The following SAMD12 variants were observed in gnomAD, a reference collection of about 807,000 sequenced individuals.
SAMD12 encodes the protein sterile alpha motif domain-containing protein 12.
SAMD12 carries 9 observed loss-of-function variants against 15.0 expected under a neutral mutation model. The observed-to-expected ratio is 0.60, with a 90% CI of 0.36 to 1.05. The LOEUF is 1.05. SAMD12 is among the 50% of genes least tolerant of loss of function. The pLI is 0.01. For missense variants in SAMD12, 230 were observed against 234.2 expected (o/e 0.98, Z 0.12); for synonymous variants, 86 against 90.1 (o/e 0.96, Z 0.25).
the SAMD12 span, among the ~76,000 whole-genome samples, chr8:118,158,347 C>T: frequency 6.6e-6 from 1 of 152,198 alleles, no homozygotes; most frequent in African/African-American, 2.4e-5. Flanking sequence ...AGTGGCCTGT[C>T]TGGAGCAGCT....
intron 3 of SAMD12, among the ~76,000 whole-genome samples, chr8:118,438,595 G>A (rs551691937): frequency 6.6e-6 from 1 of 152,142 alleles, no homozygotes; most frequent in Non-Finnish European, 1.5e-5. Context: ...ACCATCGACT[G>A]AGACCTATTC....
intron 2 of SAMD12, among the ~76,000 whole-genome samples, chr8:118,529,089 T>C (rs7831640): frequency 6.6e-6 from 1 of 152,130 alleles, no homozygotes; most frequent in Non-Finnish European, 1.5e-5. Context: ...AGACAACCAC[T>C]ACACAGTTCA....
At chr8:118,516,464 T>C (rs899352617) in intron 2 of SAMD12, among the ~76,000 whole-genome samples, 1 of 152,156 alleles carries the variant, frequency 6.6e-6, no homozygotes, top group African/African-American at 2.4e-5. Context: ...TCTGGGAATA[T>C]AGATTGCTAT....
chr8:118,601,228 G>A (rs1198902560), intron 1 of SAMD12, among the ~76,000 whole-genome samples: 1 of 152,060 alleles, frequency 6.6e-6, no homozygotes, highest in Non-Finnish European at 1.5e-5. Flanking sequence ...AATTTAAAAT[G>A]TAGGGAAATG....
At chr8:118,477,375 G>A (rs1049092325) in intron 2 of SAMD12, among the ~76,000 whole-genome samples, 8 of 151,992 alleles carry the variant, frequency 5.3e-5, no homozygotes, top group Non-Finnish European at 1.0e-4. Flanking sequence ...CTCTGCGGCC[G>A]GTTTGATGTT....
chr8:118,510,751 A>C (rs1314661283), intron 2 of SAMD12, among the ~76,000 whole-genome samples: 3 of 152,224 alleles, frequency 2.0e-5, no homozygotes, highest in African/African-American at 7.2e-5. Context: ...CCCCCTCAAA[A>C]TGCTGGGGCA....
intron 4 of SAMD12, among the ~76,000 whole-genome samples, chr8:118,352,123 G>A (rs1179186027): frequency 6.6e-6 from 1 of 152,164 alleles, no homozygotes; most frequent in Admixed American, 6.5e-5. Flanking sequence ...TTTACAAACT[G>A]CTTAGTATTA....
At chr8:118,222,254 G>A (rs1180723601) in intron 4 of SAMD12, among the ~76,000 whole-genome samples, 3 of 152,044 alleles carry the variant, frequency 2.0e-5, no homozygotes, top group African/African-American at 7.3e-5. Context: ...AAAATTTGGT[G>A]TTGGATATGT....
At chr8:118,460,337 G>A (rs980572923) in intron 2 of SAMD12, among the ~76,000 whole-genome samples, 1 of 152,184 alleles carries the variant, frequency 6.6e-6, no homozygotes, top group African/African-American at 2.4e-5. Context: ...CATTTATGAA[G>A]CACTTACTGT....
intron 4 of SAMD12, chr8:118,282,008 T>C: frequency 6.5e-6 from 2 of 307,424 alleles, no homozygotes; most frequent in South Asian, 5.4e-5. Flanking sequence ...AGACAGATGT[T>C]AATGATGTCT....
At chr8:118,530,464 T>G (rs1387888660) in intron 2 of SAMD12, among the ~76,000 whole-genome samples, 7 of 152,198 alleles carry the variant, frequency 4.6e-5, no homozygotes, top group African/African-American at 1.7e-4. Context: ...AGTGAGAACC[T>G]GGTATTTGGT....
chr8:118,460,864 AT>A (rs1823397532), intron 2 of SAMD12, among the ~76,000 whole-genome samples: 1 of 152,108 alleles, frequency 6.6e-6, no homozygotes, highest in African/African-American at 2.4e-5. Context: ...ACCCATTTCT[AT>A]GGTCCCGTCT....
At chr8:118,561,899 T>C (rs1214297962) in intron 2 of SAMD12, among the ~76,000 whole-genome samples, 1 of 152,220 alleles carries the variant, frequency 6.6e-6, no homozygotes, top group African/African-American at 2.4e-5. Flanking sequence ...AATTATCTGA[T>C]TAATAAATTT....
At chr8:118,608,790 C>A (rs1392519769) in intron 1 of SAMD12, among the ~76,000 whole-genome samples, 1 of 152,068 alleles carries the variant, frequency 6.6e-6, no homozygotes, top group Non-Finnish European at 1.5e-5. Flanking sequence ...TTGAAAGGTA[C>A]CATGTGTGAG....
At chr8:118,445,165 G>A (rs1822874697) in intron 2 of SAMD12, among the ~76,000 whole-genome samples, 1 of 152,078 alleles carries the variant, frequency 6.6e-6, no homozygotes, top group Non-Finnish European at 1.5e-5. Context: ...AGGAAAAGGA[G>A]GAAACACACA....
chr8:118,388,289 G>A (rs1343068502), intron 3 of SAMD12, among the ~76,000 whole-genome samples: 3 of 152,146 alleles, frequency 2.0e-5, no homozygotes, highest in African/African-American at 7.2e-5. Context: ...CCACAAAGCA[G>A]CAGAGGTGAG....
chr8:118,341,443 T>G (rs972855838), intron 4 of SAMD12, among the ~76,000 whole-genome samples: 1 of 152,238 alleles, frequency 6.6e-6, no homozygotes, highest in African/African-American at 2.4e-5. Flanking sequence ...ACCACCTCTG[T>G]GCACCAGATT....
In SAMD12 at chr8:118,379,329, T is replaced by C; in HGVS notation, c.*88A>G. 1 of 1,512,496 alleles carries C rather than the reference T, an allele frequency of 6.6e-7. No individual in the cohort carries two copies. Among genetic ancestry groups the C allele is most frequent in the East Asian group, 2.3e-5 (1 of 42,812 alleles). The allele number at this position is 1,512,496 out of a possible 1,614,324, so 93.7% of individuals were successfully genotyped here. A position where few individuals can be genotyped will look rare whatever the true frequency, so the allele number is the denominator to read the frequency against. ...TGTACGTGACCACCTTGAAGTTAGCTCAGGTAATTCTGTTTGCTCATCCAT... is the reference window on the plus strand; with the variant it reads ...TGTACGTGACCACCTTGAAGTTAGCCCAGGTAATTCTGTTTGCTCATCCAT... On this transcript the variant is annotated 3_prime_UTR_variant, in exon 4 of 4. Coordinates refer to ENST00000314727, the MANE Select transcript of SAMD12 (RefSeq NM_207506.3).
At chr8:118,132,056 A>G in the SAMD12 span, among the ~76,000 whole-genome samples, 3 of 152,218 alleles carry the variant, frequency 2.0e-5, no homozygotes, top group African/African-American at 7.2e-5. Flanking sequence ...TACACTTACA[A>G]TATTTTTCCA....
Sources: gnomAD v4.1 joint callset for allele counts (sites outside exome capture counted in the v4.1 genomes callset) on GRCh38, gnomAD v4.1.1 for gene constraint, MANE v1.5 for transcripts, NCBI Gene and HGNC (gene_info 2026-07-23, HGNC 2026-07-21) for gene names.